GBF1: variants seen among roughly 807,000 people sequenced by gnomAD.
The protein encoded by GBF1 is Golgi-specific brefeldin A-resistance guanine nucleotide exchange factor 1.
In GBF1, 114 loss-of-function variants were observed where a neutral mutation model predicts 210.5. That is an observed-to-expected ratio of 0.54 (90% CI 0.47 to 0.63). GBF1 has a LOEUF of 0.63. Ranked by LOEUF, GBF1 falls within the 30% of genes least tolerant of loss-of-function variation. GBF1 has a pLI of 0.00. For missense variants in GBF1, 1,851 were observed against 2,357.7 expected (o/e 0.79, Z 4.45); for synonymous variants, 850 against 889.2 (o/e 0.96, Z 0.78).
intron 1 of GBF1, among the ~76,000 whole-genome samples, chr10:102,253,769 C>T (rs1794350124): frequency 6.6e-6 from 1 of 152,196 alleles, no homozygotes; most frequent in African/African-American, 2.4e-5. Flanking sequence ...CTGCATCGGC[C>T]TCCTAAAATG....
chr10:102,254,509 G>C (rs1272859089), intron 1 of GBF1, among the ~76,000 whole-genome samples: 1 of 151,944 alleles, frequency 6.6e-6, no homozygotes, highest in Admixed American at 6.6e-5. Flanking sequence ...TTTTTCTCCT[G>C]CTTTTGTTGG....
intron 3 of GBF1, among the ~76,000 whole-genome samples, chr10:102,264,080 C>T (rs1387804001): frequency 1.3e-5 from 2 of 152,090 alleles, no homozygotes; most frequent in African/African-American, 2.4e-5. Flanking sequence ...TAGATAGTAG[C>T]GATGGTTGCA....
At chr10:102,265,015 C>T (rs1168365820) in intron 3 of GBF1, among the ~76,000 whole-genome samples, 1 of 152,098 alleles carries the variant, frequency 6.6e-6, no homozygotes, top group African/African-American at 2.4e-5. Flanking sequence ...CGCAGCTAGA[C>T]CTTGTGGTAG....
At chr10:102,322,220 T>A (rs1007034393) in intron 3 of GBF1, among the ~76,000 whole-genome samples, 5 of 152,250 alleles carry the variant, frequency 3.3e-5, no homozygotes, top group African/African-American at 1.2e-4. Flanking sequence ...TTCTTTCACA[T>A]GAAGTACAGA....
In GBF1 at chr10:102,352,146, C is replaced by G. The variant is rs544129366; in HGVS notation, c.523+195C>G. Among the ~76,000 whole-genome samples, 3 of 152,308 alleles carry G rather than the reference C, an allele frequency of 2.0e-5. No individual in the cohort carries two copies. In the South Asian group the frequency reaches 6.2e-4, roughly 32 times the overall value. On this transcript the variant is annotated intron_variant, in intron 6 of 39. Transcript: ENST00000369983. ...GAATAGAGACCTCAGCCCATTATGC[C>G]AGGGCAGGAGTTGGGATGGATCCCA...
intron 3 of GBF1, among the ~76,000 whole-genome samples, chr10:102,288,422 G>T (rs544068824): frequency 6.6e-6 from 1 of 152,182 alleles, no homozygotes; most frequent in Non-Finnish European, 1.5e-5. Context: ...ATTTAAAAAC[G>T]AAATTACGGC....
chr10:102,232,636 G>T, the GBF1 span, among the ~76,000 whole-genome samples: 1 of 152,238 alleles, frequency 6.6e-6, no homozygotes, highest in East Asian at 1.9e-4. Flanking sequence ...GAGCCGAGAT[G>T]GTGCTACTGC....
intron 11 of GBF1, 147 bp downstream of exon 11, chr10:102,359,582 G>A: frequency 1.6e-6 from 1 of 628,156 alleles, no homozygotes; most frequent in South Asian, 1.9e-5. Flanking sequence ...ATGGAGTCAA[G>A]CCATAGACTG....
At chr10:102,276,692 T>A (rs772021) in intron 3 of GBF1, among the ~76,000 whole-genome samples, 49,707 of 151,890 alleles carry the variant, frequency 0.33, 8,813 homozygotes, top group South Asian at 0.48. Flanking sequence ...CAAAATGGGT[T>A]GTGTGCATGT....
chr10:102,303,021 T>G (rs902671242), intron 3 of GBF1, among the ~76,000 whole-genome samples: 39 of 143,450 alleles, frequency 2.7e-4, no homozygotes, highest in Admixed American at 9.5e-4. Context: ...AGAGTCTCAC[T>G]CTGTTGCCCA....
chr10:102,281,546 TTATAAATTATC>T lies in GBF1; in HGVS notation c.163+21441_163+21451del, dbSNP rs1432398297. Among the ~76,000 whole-genome samples, 23 of 149,518 alleles carry T rather than the reference TTATAAATTATC, an allele frequency of 1.5e-4. No individual in the cohort carries two copies. In the South Asian group the frequency reaches 4.8e-3, roughly 31 times the overall value. On this transcript the variant is annotated intron_variant, in intron 3 of 39. Coordinates refer to ENST00000369983, the MANE Select transcript of GBF1 (RefSeq NM_001377137.1). ...AAATTATAATCTATAAATTATATTT[TTATAAATTATC>T]TATAAATTATATTTATATAAATTGT...
At chr10:102,301,531 G>A (rs1421041292) in intron 3 of GBF1, among the ~76,000 whole-genome samples, 1 of 152,070 alleles carries the variant, frequency 6.6e-6, no homozygotes, top group East Asian at 1.9e-4. Flanking sequence ...GGGCGGAGGG[G>A]CTCCTCACTT....
intron 25 of GBF1, 39 bp downstream of exon 25, chr10:102,369,814 G>C (rs764767401): frequency 6.2e-7 from 1 of 1,614,036 alleles, no homozygotes; most frequent in Non-Finnish European, 8.5e-7. Context: ...TGGGGAGGGA[G>C]AGTCAGAACT....
chr10:102,369,471 T>A, intron 24 of GBF1, 84 bp downstream of exon 24: 1 of 1,155,836 alleles, frequency 8.7e-7, no homozygotes. Flanking sequence ...AGTAAGTGGT[T>A]GAGAGTAATG....
chr10:102,371,952 G>C (rs574760371), intron 29 of GBF1, among the ~76,000 whole-genome samples: 364 of 151,388 alleles, frequency 2.4e-3, no homozygotes, highest in African/African-American at 6.7e-3. Context: ...AATCACTCTG[G>C]TATTAAGACT....
intron 3 of GBF1, among the ~76,000 whole-genome samples, chr10:102,311,799 G>C (rs980839360): frequency 6.6e-6 from 1 of 152,192 alleles, no homozygotes; most frequent in East Asian, 1.9e-4. Context: ...CAGTGGAACT[G>C]AGGGTTTATT....
chr10:102,313,676 A>G (rs2078681688), intron 3 of GBF1, among the ~76,000 whole-genome samples: 1 of 152,198 alleles, frequency 6.6e-6, no homozygotes, highest in South Asian at 2.1e-4. Flanking sequence ...GATTAATATT[A>G]ATCCCCTTAA....
At position 102,363,850 on chromosome 10, in the gene GBF1, G is replaced by A; in HGVS notation, c.2106+52G>A. ...GTCCACCTCTGTCTGGGTGTCCAGTGTTGTAGGGTTTCCATCTCAGAAGAT... is the reference window on the plus strand; with the variant it reads ...GTCCACCTCTGTCTGGGTGTCCAGTATTGTAGGGTTTCCATCTCAGAAGAT... On this transcript the variant is annotated intron_variant, in intron 17 of 39. Transcript: ENST00000369983. The surrounding 1 kb of genome is among the most constrained non-coding windows in gnomAD (Gnocchi z 4.2). 9.4e-7 allele frequency: 1 copy of A among 1,063,072 alleles called. No homozygotes were observed. The highest frequency in any genetic ancestry group is 1.5e-6 in the Non-Finnish European group (1 of 684,592). 65.9% of individuals were successfully genotyped at this position (1,063,072 alleles called of 1,614,324 possible). A position where few individuals can be genotyped will look rare whatever the true frequency, so the allele number is the denominator to read the frequency against.
rs776084524 is a variant in GBF1 at position 102,376,306 on chromosome 10, T to A, written c.3921T>A (p.His1307Gln). 1 of 1,613,868 alleles carries A rather than the reference T, an allele frequency of 6.2e-7. No homozygotes were observed. Among genetic ancestry groups the A allele is most frequent in the Non-Finnish European group, 8.5e-7 (1 of 1,179,900 alleles). ...AQSDSELPSY[H>Q]QNDVSLDRGY... ...CAGATAGTGAGCTCCCATCCTACCA[T>A]CAGAATGACGTGAGCCTGGATCGAG... The change falls in exon 31 of 40, where the codon CAT (histidine) becomes CAA (glutamine). Residue 1307 changes from histidine (H) to glutamine (Q), a missense_variant. By Grantham distance (24) the His-to-Gln change is conservative. Coordinates refer to ENST00000369983, the MANE Select transcript of GBF1 (RefSeq NM_001377137.1).
Sources: gnomAD v4.1 joint callset for allele counts (sites outside exome capture counted in the v4.1 genomes callset) on GRCh38, gnomAD v4.1.1 for gene constraint, Gnocchi (gnomAD v3.1) non-coding constraint, MANE v1.5 for transcripts, NCBI Gene and HGNC (gene_info 2026-07-23, HGNC 2026-07-21) for gene names.